Variants in SGPP1 observed in about 807,000 individuals in gnomAD.
SGPP1 encodes sphingosine-1-phosphate phosphatase 1.
A neutral mutation model predicts 33.0 loss-of-function variants in SGPP1; 21 were observed. That is an observed-to-expected ratio of 0.64 (90% CI 0.45 to 0.92). The LOEUF (loss-of-function observed/expected upper bound fraction) is 0.92. Ranked by LOEUF, SGPP1 falls within the 40% of genes least tolerant of loss-of-function variation. The pLI, the probability that SGPP1 is intolerant of heterozygous loss-of-function variation, is 0.00. For synonymous variants in SGPP1, 239 were observed against 241.2 expected (o/e 0.99, Z 0.08); for missense variants, 543 against 589.4 (o/e 0.92, Z 0.81).
intron 1 of SGPP1, among the ~76,000 whole-genome samples, chr14:63,708,964 T>G (rs1885471158): frequency 6.6e-6 from 1 of 152,230 alleles, no homozygotes. Context: ...AAGTGTGTTG[T>G]TTAATTTCTT....
intron 2 of SGPP1, among the ~76,000 whole-genome samples, chr14:63,688,038 T>C (rs1007375449): frequency 1.3e-5 from 2 of 151,992 alleles, no homozygotes; most frequent in Non-Finnish European, 2.9e-5. Flanking sequence ...GACAGGAGAA[T>C]CGCTTGAACC....
chr14:63,727,722 G>C lies in SGPP1; in HGVS notation c.223C>G (p.Gln75Glu). ...GPQPPGSDRN[Q>E]CPAKPDGGGA... is the part of the protein sequence containing the mutation. ...CCGCCGTCCGGCTTGGCCGGGCACT[G>C]ATTGCGGTCGCTCCCGGGAGGCTGG... Residue 75 changes from glutamine (Q) to glutamate (E), a missense_variant, in exon 1 of 3, where the codon CAG (glutamine) becomes GAG (glutamate). Transcript: ENST00000247225. 7.0e-7 allele frequency: 1 copy of C among 1,434,028 alleles called. No individual in the cohort carries two copies. Among genetic ancestry groups the C allele is most frequent in the Non-Finnish European group, 9.1e-7 (1 of 1,101,926 alleles). The allele number at this position is 1,434,028 out of a possible 1,614,324, so 88.8% of individuals were successfully genotyped here.
chr14:63,686,705 T>C, intron 2 of SGPP1, 49 bp from the exon 3 acceptor site: 4 of 1,320,222 alleles, frequency 3.0e-6, no homozygotes, highest in Non-Finnish European at 4.1e-6. Context: ...TGAATATTTT[T>C]GGCATTTAAA....
chr14:63,707,176 C>G (rs1352160709), intron 1 of SGPP1, among the ~76,000 whole-genome samples: 1 of 151,736 alleles, frequency 6.6e-6, no homozygotes. Context: ...ATTACTGTTT[C>G]TCTTTTGAAC....
At chr14:63,717,359 C>T (rs1161447725) in intron 1 of SGPP1, among the ~76,000 whole-genome samples, 10 of 150,476 alleles carry the variant, frequency 6.6e-5, no homozygotes, top group Non-Finnish European at 1.2e-4. Context: ...CTGTCGCTCA[C>T]GCTGGAGTGC....
intron 1 of SGPP1, among the ~76,000 whole-genome samples, chr14:63,704,154 T>G (rs924456037): frequency 6.6e-6 from 1 of 152,176 alleles, no homozygotes; most frequent in Non-Finnish European, 1.5e-5. Flanking sequence ...ATTGCATTTT[T>G]GCAGATACTG....
chr14:63,713,449 G>C (rs893601361), intron 1 of SGPP1, among the ~76,000 whole-genome samples: 1 of 152,128 alleles, frequency 6.6e-6, no homozygotes, highest in Non-Finnish European at 1.5e-5. Context: ...TTTGTAAAGA[G>C]CCTGATAGCA....
In SGPP1 at chr14:63,720,530, G is replaced by A. The variant is rs201455040; in HGVS notation, c.684+6731C>T. The stretch of plus-strand genomic sequence containing the variant: ...TCCCAGCACTTTGGGAGGTCGAGGC[G>A]GGTGGATCACCTGAGGTCAAGAGTT... On this transcript the variant is annotated intron_variant, in intron 1 of 2. Transcript: ENST00000247225. Among the ~76,000 whole-genome samples the A allele has an allele frequency of 2.2e-4, 34 of 152,172 alleles. No individual in the cohort carries two copies. In the East Asian group the frequency reaches 5.0e-3, roughly 23 times the overall value.
intron 1 of SGPP1, among the ~76,000 whole-genome samples, chr14:63,704,188 T>C (rs965209880): frequency 6.6e-6 from 1 of 152,116 alleles, no homozygotes; most frequent in Non-Finnish European, 1.5e-5. Flanking sequence ...CAAATTTATA[T>C]GGAATTGCAA....
intron 1 of SGPP1, among the ~76,000 whole-genome samples, chr14:63,706,232 C>T (rs1885405232): frequency 6.6e-6 from 1 of 152,074 alleles, no homozygotes; most frequent in Admixed American, 6.6e-5. Flanking sequence ...ATAGGTAAAC[C>T]TATACAGCCA....
intron 1 of SGPP1, among the ~76,000 whole-genome samples, chr14:63,718,961 CATATATATGTATATACATATATAT>C (rs1885687892): frequency 4.3e-5 from 4 of 92,592 alleles, no homozygotes; most frequent in Admixed American, 1.6e-4. Flanking sequence ...AGTAAAAATT[CATATATATGTATATACATATATAT>C]ATATATATAT....
intron 1 of SGPP1, among the ~76,000 whole-genome samples, chr14:63,710,410 A>C (rs530097665): frequency 6.6e-6 from 1 of 152,376 alleles, no homozygotes; most frequent in East Asian, 1.9e-4. Context: ...ATAGAGCTAC[A>C]TAGACCTATC....
chr14:63,719,849 T>C (rs893593606), intron 1 of SGPP1, among the ~76,000 whole-genome samples: 2 of 150,894 alleles, frequency 1.3e-5, no homozygotes, highest in Admixed American at 1.3e-4. Flanking sequence ...GCACGGTGGC[T>C]CATGCCTGTA....
In SGPP1 at chr14:63,719,412, A is replaced by G. The variant is rs182143145; in HGVS notation, c.684+7849T>C. ...AGCATAGGAAACCAGATACTCTCAT[A>G]CATTTCCAGGATGAATGTAAATTAG... On this transcript the variant is annotated intron_variant, in intron 1 of 2. Transcript: ENST00000247225. Among the ~76,000 whole-genome samples, 1,088 of 152,176 alleles carry G rather than the reference A, an allele frequency of 7.1e-3. 12 individuals carry two copies. Among genetic ancestry groups the G allele is most frequent in the Non-Finnish European group, 0.012 (796 of 67,982 alleles).
chr14:63,714,193 A>G (rs567134958), intron 1 of SGPP1, among the ~76,000 whole-genome samples: 1 of 152,308 alleles, frequency 6.6e-6, no homozygotes, highest in African/African-American at 2.4e-5. Flanking sequence ...TTAATAAACG[A>G]AGTGATGTAC....
In SGPP1 at chr14:63,727,694, C is replaced by G. The variant is rs867531711; in HGVS notation, c.251G>C (p.Gly84Ala). The G allele has an allele frequency of 7.5e-7, 1 of 1,336,480 alleles. No individual in the cohort carries two copies. Among genetic ancestry groups the G allele is most frequent in the Middle Eastern group, 2.6e-4 (1 of 3,838 alleles). The allele number at this position is 1,336,480 out of a possible 1,614,324, so 82.8% of individuals were successfully genotyped here. A position where few individuals can be genotyped will look rare whatever the true frequency, so the allele number is the denominator to read the frequency against. Residue 84 changes from glycine to alanine, a missense_variant, in exon 1 of 3, where the codon GGC (glycine) becomes GCC (alanine). Physicochemically the swap from Gly to Ala is moderately conservative, Grantham distance 60. Transcript: ENST00000247225. Reference protein sequence around the residue: ...NQCPAKPDGGGAPNGVRNGLA... With the variant: ...NQCPAKPDGGAAPNGVRNGLA... ...CCCGTTCCGCACGCCGTTGGGGGCGCCGCCGCCGTCCGGCTTGGCCGGGCA... is the reference window on the plus strand; with the variant it reads ...CCCGTTCCGCACGCCGTTGGGGGCGGCGCCGCCGTCCGGCTTGGCCGGGCA...
Position 63,693,018 on chromosome 14 carries a change from T to C in SGPP1, c.774+5551A>G, listed in dbSNP as rs546662028. Reference sequence around the variant, plus strand: ...GGGGAGATCATGGCTCACCACAGCCTCGACTTCCTGGGCTCAAGCAATCCT... The same window carrying C: ...GGGGAGATCATGGCTCACCACAGCCCCGACTTCCTGGGCTCAAGCAATCCT... On this transcript the variant is annotated intron_variant, in intron 2 of 2. Coordinates refer to ENST00000247225, the MANE Select transcript of SGPP1 (RefSeq NM_030791.4). Among the ~76,000 whole-genome samples the C allele has an allele frequency of 7.2e-5, 11 of 152,234 alleles. No homozygotes were observed. The East Asian group carries it at 1.9e-3, about 27-fold the overall frequency.
At chr14:63,697,268 C>CTGTCT (rs1244644795) in intron 2 of SGPP1, among the ~76,000 whole-genome samples, 1 of 152,076 alleles carries the variant, frequency 6.6e-6, no homozygotes, top group East Asian at 1.9e-4. Flanking sequence ...TTTGGGACTT[C>CTGTCT]TGGAAATTTA....
chr14:63,696,403 C>T (rs1390367254), intron 2 of SGPP1, among the ~76,000 whole-genome samples: 2 of 152,112 alleles, frequency 1.3e-5, no homozygotes, highest in African/African-American at 4.8e-5. Context: ...TCTTTTTCTC[C>T]AAGAAATACC....
Sources: gnomAD v4.1 joint callset for allele counts (sites outside exome capture counted in the v4.1 genomes callset) on GRCh38, gnomAD v4.1.1 for gene constraint, MANE v1.5 for transcripts, NCBI Gene and HGNC (gene_info 2026-07-23, HGNC 2026-07-21) for gene names.